Variants in STK32B observed in about 807,000 individuals in gnomAD.
STK32B encodes serine/threonine kinase 32B.
Under a neutral mutation model 52.6 loss-of-function variants are expected in STK32B, and 43 were observed. The observed-to-expected ratio is 0.82, with a 90% CI of 0.64 to 1.05. The LOEUF (loss-of-function observed/expected upper bound fraction) is 1.05, where lower values mean the gene tolerates loss of function less well. Among genes scored for constraint, STK32B ranks in the 50% least tolerant of loss-of-function variants. STK32B has a pLI of 0.00. For missense variants in STK32B, 621 were observed against 534.6 expected, an observed-to-expected ratio of 1.16 and a Z score of -1.59; for synonymous variants, 238 against 204.3, an observed-to-expected ratio of 1.17 and a Z score of -1.41.
In STK32B at chr4:5,469,246, C is replaced by T. The variant is rs376499369; in HGVS notation, c.1106+1176C>T. 2.5e-4 allele frequency among the ~76,000 whole-genome samples: 38 copies of T among 152,314 alleles called. No individual in the cohort carries two copies. The highest frequency in any genetic ancestry group is 7.9e-4 in the African/African-American group (33 of 41,582). On this transcript the variant is annotated intron_variant, in intron 11 of 11. Coordinates refer to ENST00000282908, the MANE Select transcript of STK32B (RefSeq NM_018401.3). This position sits in a 1 kb window ranked among gnomAD's most constrained non-coding sequence, Gnocchi z 4.7. ...GATTGACTCAAAAAATCATTGATTACAGGCCCTTATGCAATCCCCAGTATT... is the reference window on the plus strand; with the variant it reads ...GATTGACTCAAAAAATCATTGATTATAGGCCCTTATGCAATCCCCAGTATT...
chr4:5,093,264 TACAC>T (rs1280609110), intron 1 of STK32B, among the ~76,000 whole-genome samples: 1 of 152,146 alleles, frequency 6.6e-6, no homozygotes, highest in Non-Finnish European at 1.5e-5. Flanking sequence ...TATCAAAACA[TACAC>T]ACAGACACAG....
chr4:5,369,773 G>A (rs1479845403), intron 4 of STK32B, among the ~76,000 whole-genome samples: 1 of 152,186 alleles, frequency 6.6e-6, no homozygotes, highest in African/African-American at 2.4e-5. Context: ...CTGGTGGCCA[G>A]GCAACATGAG....
intron 3 of STK32B, among the ~76,000 whole-genome samples, chr4:5,316,432 A>G (rs1730757854): frequency 4.1e-5 from 1 of 24,446 alleles, no homozygotes; most frequent in South Asian, 2.4e-3. Context: ...CATATATAAT[A>G]TATAATATAT....
chr4:5,130,754 C>T (rs1208588279), intron 1 of STK32B, among the ~76,000 whole-genome samples: 1 of 152,114 alleles, frequency 6.6e-6, no homozygotes, highest in Non-Finnish European at 1.5e-5. Context: ...GAAATGTCTA[C>T]CAATCCAGTG....
chr4:5,066,739 T>A (rs115307173), intron 1 of STK32B, among the ~76,000 whole-genome samples: 3,036 of 152,288 alleles, frequency 0.02, 122 homozygotes, highest in African/African-American at 0.068. Context: ...ACACAGCCAT[T>A]CTTTCAGTTT....
the STK32B span, among the ~76,000 whole-genome samples, chr4:5,040,893 T>C: frequency 1.3e-5 from 2 of 152,156 alleles, no homozygotes; most frequent in South Asian, 4.1e-4. Context: ...ATGAATACCC[T>C]AGGCAACTGT....
intron 1 of STK32B, among the ~76,000 whole-genome samples, chr4:5,109,200 T>G (rs1284252837): frequency 6.6e-6 from 1 of 152,188 alleles, no homozygotes; most frequent in East Asian, 1.9e-4. Flanking sequence ...GAAGCAACTT[T>G]CCAGGTGTCA....
chr4:5,328,526 G>A (rs866602861), intron 3 of STK32B, among the ~76,000 whole-genome samples: 1 of 152,230 alleles, frequency 6.6e-6, no homozygotes, highest in Non-Finnish European at 1.5e-5. Flanking sequence ...CTACTGGTCA[G>A]TGGAGCATGA....
chr4:5,261,298 A>G (rs1466250910), intron 3 of STK32B, among the ~76,000 whole-genome samples: 2 of 152,318 alleles, frequency 1.3e-5, no homozygotes, highest in East Asian at 1.9e-4. Context: ...TGGAAAATAT[A>G]TGCATCCAGA....
At chr4:5,022,049 C>T in the STK32B span, among the ~76,000 whole-genome samples, 31 of 152,078 alleles carry the variant, frequency 2.0e-4, no homozygotes, top group Non-Finnish European at 4.3e-4. Context: ...CAGCCTGTGC[C>T]GAGCCCAACA....
At chr4:5,370,376 T>C (rs1735150392) in intron 4 of STK32B, among the ~76,000 whole-genome samples, 1 of 152,200 alleles carries the variant, frequency 6.6e-6, no homozygotes, top group Non-Finnish European at 1.5e-5. Context: ...AGAAACTCTT[T>C]GGAGAGAGGT....
At chr4:5,482,026 C>T (rs1560450555) in intron 11 of STK32B, among the ~76,000 whole-genome samples, 1 of 152,108 alleles carries the variant, frequency 6.6e-6, no homozygotes, top group Non-Finnish European at 1.5e-5. Context: ...TGTGATGCCT[C>T]CAGCTTTGTT....
Position 5,400,772 on chromosome 4 carries a change from AGCCTGAAGCTGGCCATTCTT to A in STK32B, c.472+2533_472+2552del, listed in dbSNP as rs1328091385. Among the ~76,000 whole-genome samples the A allele has an allele frequency of 6.6e-6, 1 of 152,172 alleles. No homozygotes were observed. The highest frequency in any genetic ancestry group is 1.5e-5 in the Non-Finnish European group (1 of 68,038). Reference sequence around the variant, plus strand: ...GGGAGCTGATCGGCTTTTTGAGCAGAGCCTGAAGCTGGCCATTCTTGCCTTTGTCTTTCCCTCAGTAAACA... The same window carrying A: ...GGGAGCTGATCGGCTTTTTGAGCAGAGCCTTTGTCTTTCCCTCAGTAAACA... On this transcript the variant is annotated intron_variant, in intron 5 of 11. Coordinates refer to ENST00000282908, the MANE Select transcript of STK32B (RefSeq NM_018401.3). The surrounding 1 kb of genome is among the most constrained non-coding windows in gnomAD (Gnocchi z 6.1).
chr4:5,148,880 G>T (rs1286525391), intron 2 of STK32B, among the ~76,000 whole-genome samples: 1 of 151,644 alleles, frequency 6.6e-6, no homozygotes, highest in African/African-American at 2.4e-5. Flanking sequence ...GTCAATGTTT[G>T]CTTCTTATAC....
intron 3 of STK32B, among the ~76,000 whole-genome samples, chr4:5,298,448 C>A (rs372471237): frequency 4.6e-5 from 7 of 152,148 alleles, no homozygotes; most frequent in Non-Finnish European, 1.0e-4. Flanking sequence ...AGGCCCCTGA[C>A]TGGAGCTGCT....
chr4:5,328,699 C>A (rs960458334), intron 3 of STK32B, among the ~76,000 whole-genome samples: 2 of 152,178 alleles, frequency 1.3e-5, no homozygotes, highest in South Asian at 4.1e-4. Context: ...AAATGTGACA[C>A]AGAGATACAA....
chr4:5,240,666 G>A (rs1724961621), intron 3 of STK32B, among the ~76,000 whole-genome samples: 3 of 152,056 alleles, frequency 2.0e-5, no homozygotes, highest in Admixed American at 2.0e-4. Flanking sequence ...CACCATGTTG[G>A]CCAGGCTGGT....
At chr4:5,261,786 A>G (rs1726729313) in intron 3 of STK32B, among the ~76,000 whole-genome samples, 1 of 152,186 alleles carries the variant, frequency 6.6e-6, no homozygotes, top group Admixed American at 6.5e-5. Flanking sequence ...TATGACTACT[A>G]CTATTGCCAA....
At chr4:5,405,713 A>G (rs914616628) in intron 5 of STK32B, among the ~76,000 whole-genome samples, 1 of 152,082 alleles carries the variant, frequency 6.6e-6, no homozygotes, top group African/African-American at 2.4e-5. Flanking sequence ...TTTATAAACA[A>G]CAAGATCTTG....
Sources: gnomAD v4.1 joint callset for allele counts (sites outside exome capture counted in the v4.1 genomes callset) on GRCh38, gnomAD v4.1.1 for gene constraint, Gnocchi (gnomAD v3.1) non-coding constraint, MANE v1.5 for transcripts, NCBI Gene and HGNC (gene_info 2026-07-23, HGNC 2026-07-21) for gene names.